SMAP1: variants seen among roughly 807,000 people sequenced by gnomAD.
The protein encoded by SMAP1 is stromal membrane-associated protein 1.
In SMAP1, 24 loss-of-function variants were observed where a neutral mutation model predicts 58.5. The ratio of observed to expected loss-of-function variants is 0.41; its 90% CI spans 0.30 to 0.58. The LOEUF (loss-of-function observed/expected upper bound fraction) is 0.58. Ranked by LOEUF, SMAP1 falls within the 20% of genes least tolerant of loss-of-function variation. The pLI is 0.29. For synonymous variants in SMAP1, 216 were observed against 196.6 expected (o/e 1.10, Z -0.82); for missense variants, 563 against 566.3 (o/e 0.99, Z 0.06).
intron 4 of SMAP1, among the ~76,000 whole-genome samples, chr6:70,789,044 G>T (rs1379113887): frequency 1.3e-5 from 2 of 152,000 alleles, no homozygotes; most frequent in Non-Finnish European, 2.9e-5. Context: ...CCTTTTCACT[G>T]CCCTTTTTTC....
rs533961197 is a variant in SMAP1, at chr6:70,812,092, A to G, written c.576+13355A>G. Among the ~76,000 whole-genome samples, 5 of 152,296 alleles carry G rather than the reference A, an allele frequency of 3.3e-5. No homozygotes were observed. The South Asian group carries it at 8.3e-4, about 25-fold the overall frequency. ...TGCTTATTTTTGGAATTTCCCATTT[A>G]ATAGTTTGTGACTGTGATTGTAGGT... On this transcript the variant is annotated intron_variant, in intron 6 of 10. Coordinates refer to ENST00000370455, the MANE Select transcript of SMAP1 (RefSeq NM_001044305.3).
chr6:70,756,416 G>A (rs1007636803), intron 3 of SMAP1, among the ~76,000 whole-genome samples: 18 of 151,946 alleles, frequency 1.2e-4, no homozygotes, highest in Non-Finnish European at 2.2e-4. Context: ...GTTTCTGTTC[G>A]CCCCACTCCT....
At chr6:70,674,263 C>T (rs1052647212) in intron 1 of SMAP1, among the ~76,000 whole-genome samples, 19 of 151,952 alleles carry the variant, frequency 1.3e-4, no homozygotes, top group African/African-American at 2.7e-4. Context: ...CAGATGTGTG[C>T]GACCATGCCT....
intron 1 of SMAP1, among the ~76,000 whole-genome samples, chr6:70,692,933 A>G (rs1366310116): frequency 6.6e-6 from 1 of 151,814 alleles, no homozygotes; most frequent in Non-Finnish European, 1.5e-5. Flanking sequence ...ACAGGTGCCC[A>G]CTACCATGCC....
chr6:70,788,090 C>A (rs546081507), intron 4 of SMAP1, among the ~76,000 whole-genome samples: 197 of 151,904 alleles, frequency 1.3e-3, no homozygotes, highest in Non-Finnish European at 2.1e-3. Flanking sequence ...GAAAATGTGG[C>A]GCATATACAC....
intron 2 of SMAP1, among the ~76,000 whole-genome samples, chr6:70,748,842 A>T (rs1307360180): frequency 6.6e-6 from 1 of 152,156 alleles, no homozygotes; most frequent in African/African-American, 2.4e-5. Flanking sequence ...AACCATATTT[A>T]TCAGTTTTTT....
At position 70,751,367 on chromosome 6, in the gene SMAP1, C is replaced by G. The variant is rs753050383; in HGVS notation, c.253-3613C>G. On this transcript the variant is annotated intron_variant, in intron 2 of 10. Transcript: ENST00000370455. ...ATGTTGAGTTTGTATTCAATAGATTCTTACAATCATTTCTTACTTTGTCAA... is the reference window on the plus strand; with the variant it reads ...ATGTTGAGTTTGTATTCAATAGATTGTTACAATCATTTCTTACTTTGTCAA... Among the ~76,000 whole-genome samples, 60 of 152,250 alleles carry G rather than the reference C, an allele frequency of 3.9e-4. No individual in the cohort carries two copies. In the Middle Eastern group the frequency reaches 0.014, roughly 35 times the overall value.
At chr6:70,685,777 T>G (rs1766911325) in intron 1 of SMAP1, among the ~76,000 whole-genome samples, 1 of 152,148 alleles carries the variant, frequency 6.6e-6, no homozygotes, top group Admixed American at 6.5e-5. Context: ...AACCAGAGGG[T>G]CAATGATGAA....
intron 2 of SMAP1, chr6:70,735,089 A>G (rs1001669278): frequency 3.3e-5 from 5 of 152,286 alleles, no homozygotes; most frequent in African/African-American, 1.2e-4. Context: ...CTGGGTTTAA[A>G]TTGTGTAATT....
intron 4 of SMAP1, among the ~76,000 whole-genome samples, chr6:70,790,497 G>C (rs926163751): frequency 6.6e-6 from 1 of 152,060 alleles, no homozygotes; most frequent in Non-Finnish European, 1.5e-5. Context: ...AGGCTTTAAG[G>C]CTCGACTTTG....
intron 1 of SMAP1, among the ~76,000 whole-genome samples, chr6:70,724,163 G>T (rs1201488086): frequency 1.8e-4 from 26 of 147,932 alleles, no homozygotes; most frequent in African/African-American, 4.0e-4. Flanking sequence ...TGTTGTTGTT[G>T]TTTTTTTGTT....
chr6:70,804,953 C>A (rs1769051888), intron 6 of SMAP1, among the ~76,000 whole-genome samples: 1 of 150,854 alleles, frequency 6.6e-6, no homozygotes, highest in Non-Finnish European at 1.5e-5. Flanking sequence ...TCATTTCAGC[C>A]TTGGTGAATA....
intron 1 of SMAP1, among the ~76,000 whole-genome samples, chr6:70,679,385 C>G (rs1288599374): frequency 2.6e-5 from 4 of 152,066 alleles, no homozygotes; most frequent in Non-Finnish European, 5.9e-5. Flanking sequence ...TGATGAAGTA[C>G]TACTTAAATT....
At chr6:70,826,727 G>T (rs1028858366) in intron 6 of SMAP1, among the ~76,000 whole-genome samples, 2 of 151,966 alleles carry the variant, frequency 1.3e-5, no homozygotes, top group African/African-American at 2.4e-5. Context: ...CTGCACTCCA[G>T]CCTGGATGAC....
chr6:70,679,956 G>A (rs1438397111), intron 1 of SMAP1, among the ~76,000 whole-genome samples: 1 of 152,146 alleles, frequency 6.6e-6, no homozygotes, highest in African/African-American at 2.4e-5. Flanking sequence ...AATGTTTGAG[G>A]TCTTACACAA....
intron 1 of SMAP1, among the ~76,000 whole-genome samples, chr6:70,712,501 A>G (rs1300842076): frequency 1.3e-5 from 2 of 152,188 alleles, no homozygotes; most frequent in African/African-American, 4.8e-5. Flanking sequence ...GGAAAACTTC[A>G]AGAAGGATTG....
rs9680 is a variant in SMAP1 at position 70,860,938 on chromosome 6, A to G, written c.*604A>G. 58,146 of 370,548 alleles carry G rather than the reference A, an allele frequency of 0.16. 5,082 individuals are homozygous for G. Among genetic ancestry groups the G allele is most frequent in the East Asian group, 0.26 (6,689 of 26,164 alleles). 23.0% of individuals were successfully genotyped at this position (370,548 alleles called of 1,614,324 possible). The stretch of plus-strand genomic sequence containing the variant: ...GTTTAATGAATGCTTAAAGAATTCA[A>G]ATTTTATCTGCCTCTCTTGTAATTT... On this transcript the variant is annotated 3_prime_UTR_variant, in exon 11 of 11. Transcript: ENST00000370455.
intron 4 of SMAP1, among the ~76,000 whole-genome samples, chr6:70,786,001 AAAG>A (rs1768007211): frequency 6.6e-6 from 1 of 152,236 alleles, no homozygotes. Flanking sequence ...CACAACCAAA[AAAG>A]AGAATTTTAG....
At chr6:70,675,715 G>A (rs563080261) in intron 1 of SMAP1, among the ~76,000 whole-genome samples, 3 of 152,124 alleles carry the variant, frequency 2.0e-5, no homozygotes, top group Non-Finnish European at 2.9e-5. Flanking sequence ...TAGGACCTGG[G>A]GATTAGCAGG....
Sources: gnomAD v4.1 joint callset for allele counts (sites outside exome capture counted in the v4.1 genomes callset) on GRCh38, gnomAD v4.1.1 for gene constraint, MANE v1.5 for transcripts, NCBI Gene and HGNC (gene_info 2026-07-23, HGNC 2026-07-21) for gene names.